CENPF: variants seen among roughly 807,000 people sequenced by gnomAD.
CENPF encodes centromere protein F, also known as AH antigen.
A neutral mutation model predicts 307.3 loss-of-function variants in CENPF; 214 were observed. The ratio of observed to expected loss-of-function variants is 0.70; its 90% CI spans 0.62 to 0.78. The LOEUF is 0.78. Ranked by LOEUF, CENPF falls within the 30% of genes least tolerant of loss-of-function variation. CENPF has a pLI of 0.00. For synonymous variants in CENPF, 1,259 were observed against 1,270.6 expected (o/e 0.99, Z 0.19); for missense variants, 3,401 against 3,483.9 (o/e 0.98, Z 0.60).
At position 214,657,236 on chromosome 1, in the gene CENPF, G is replaced by T. The variant is rs768003566; in HGVS notation, c.8789G>T (p.Gly2930Val). 1 of 1,613,924 alleles carries T rather than the reference G, an allele frequency of 6.2e-7. No individual in the cohort carries two copies. Among genetic ancestry groups the T allele is most frequent in the Non-Finnish European group, 8.5e-7 (1 of 1,180,014 alleles). Residue 2930 changes from glycine to valine, a missense_variant, in exon 18 of 20, where the codon GGC becomes GTC. Transcript: ENST00000366955. ...RLSSGQNKAS[G>V]KRQRSSGIWE... ...TCATCTGGCCAAAATAAAGCTTCAG[G>T]CAAGAGGCAAAGATCCAGTGGAATA... is the stretch of plus-strand genomic sequence containing the variant.
In CENPF at chr1:214,657,456, C is replaced by G. The variant is rs779760787; in HGVS notation, c.8962+47C>G. The G allele has an allele frequency of 3.6e-6, 5 of 1,376,260 alleles. No homozygotes were observed. The Admixed American group carries it at 5.7e-5, about 16-fold the overall frequency. 85.3% of individuals were successfully genotyped at this position (1,376,260 alleles called of 1,614,324 possible). A position where few individuals can be genotyped will look rare whatever the true frequency, so the allele number is the denominator to read the frequency against. ...AATTATTTGTGTTCTTTTGAAATTC[C>G]ATATAATGGTTCACATATAAAAAGA... is the stretch of plus-strand genomic sequence containing the variant. On this transcript the variant is annotated intron_variant, in intron 18 of 19. Transcript: ENST00000366955.
At chr1:214,624,917 T>A (rs1558175212) in intron 7 of CENPF, among the ~76,000 whole-genome samples, 1 of 152,200 alleles carries the variant, frequency 6.6e-6, no homozygotes, top group African/African-American at 2.4e-5. Flanking sequence ...TGTCTGTTTC[T>A]CCTTTGATTT....
intron 7 of CENPF, 25 bp from the exon 8 acceptor site, chr1:214,629,021 C>A: frequency 6.6e-7 from 1 of 1,506,122 alleles, no homozygotes; most frequent in Non-Finnish European, 8.9e-7. Context: ...TTTATTTTGT[C>A]TTGAACATTT....
Position 214,643,072 on chromosome 1 carries a change from TAAG to T in CENPF, c.4735_4737del (p.Lys1579del). 6.2e-7 allele frequency: 1 copy of T among 1,609,052 alleles called. No homozygotes were observed. Among genetic ancestry groups the T allele is most frequent in the Non-Finnish European group, 8.5e-7 (1 of 1,178,680 alleles). On this transcript the variant is annotated inframe_deletion, in exon 12 of 20. Coordinates refer to ENST00000366955, the MANE Select transcript of CENPF (RefSeq NM_016343.4). ...TGGAAAGTCAAGGGATTATGAAAAATAAGGAAATTCAAGAGCTCGAGCAGTTAT... is the reference window on the plus strand; with the variant it reads ...TGGAAAGTCAAGGGATTATGAAAAATGAAATTCAAGAGCTCGAGCAGTTAT...
chr1:214,608,954 G>A (rs1202625669), intron 1 of CENPF: 2 of 999,280 alleles, frequency 2.0e-6, no homozygotes, highest in African/African-American at 3.5e-5. Flanking sequence ...GGGGGAGGGC[G>A]CCCCCCCAGC....
At position 214,655,007 on chromosome 1, in the gene CENPF, T is replaced by C. The variant is rs374934; in HGVS notation, c.8323-234T>C. On this transcript the variant is annotated intron_variant, in intron 16 of 19. Transcript: ENST00000366955. The stretch of plus-strand genomic sequence containing the variant: ...GGCACTTAATAGACATCTCAGGAAC[T>C]GTAGTTTATACTTGTGATACTAAGA... 0.61 allele frequency: 169,430 copies of C among 278,316 alleles called. 53,579 individuals carry two copies. Among genetic ancestry groups the C allele is most frequent in the East Asian group, 0.88 (13,282 of 15,172 alleles). The allele number at this position is 278,316 out of a possible 1,614,324, so 17.2% of individuals were successfully genotyped here.
At chr1:214,608,860 A>C in intron 1 of CENPF, 1 of 1,516,170 alleles carries the variant, frequency 6.6e-7, no homozygotes, top group Non-Finnish European at 8.8e-7. Context: ...CGCCCGGGCC[A>C]GGCCCCCACC....
At position 214,644,720 on chromosome 1, in the gene CENPF, C is replaced by A. The variant is rs774422780; in HGVS notation, c.5150C>A (p.Pro1717His). Reference sequence around the variant, plus strand: ...ATAACTGAGACTGGTGCAGTGAAACCCACAGGAGAGTGCTCTGGGGAACAG... The same window carrying A: ...ATAACTGAGACTGGTGCAGTGAAACACACAGGAGAGTGCTCTGGGGAACAG... ...EKITETGAVK[P>H]TGECSGEQSP... The change falls in exon 13 of 20, where the codon CCC (proline) becomes CAC (histidine). Residue 1717 changes from proline (P) to histidine (H), a missense_variant. Transcript: ENST00000366955. The A allele has an allele frequency of 2.7e-5, 43 of 1,613,762 alleles. No individual in the cohort carries two copies. The highest frequency in any genetic ancestry group is 3.3e-5 in the Non-Finnish European group (39 of 1,179,946).
At chr1:214,625,737 A>G (rs945905075) in intron 7 of CENPF, among the ~76,000 whole-genome samples, 4 of 151,788 alleles carry the variant, frequency 2.6e-5, no homozygotes, top group African/African-American at 9.7e-5. Flanking sequence ...ATCTCTTTGT[A>G]GAGCTTCTAG....
chr1:214,630,520 C>T lies in CENPF; in HGVS notation c.1195-14C>T. On this transcript the variant is annotated splice_polypyrimidine_tract_variant and intron_variant, in intron 8 of 19. Transcript: ENST00000366955. ...ACCATCATCAGGCTGATGCACCTGCCCTTTGTTTTTCAGGAGCTCTCCCGT... is the reference window on the plus strand; with the variant it reads ...ACCATCATCAGGCTGATGCACCTGCTCTTTGTTTTTCAGGAGCTCTCCCGT... 6.2e-7 allele frequency: 1 copy of T among 1,613,844 alleles called. No homozygotes were observed. The highest frequency in any genetic ancestry group is 1.1e-5 in the South Asian group (1 of 91,030).
chr1:214,645,777 C>G lies in CENPF; in HGVS notation c.6207C>G (p.Val2069=), dbSNP rs1292425991. 6.2e-7 allele frequency: 1 copy of G among 1,614,106 alleles called. No homozygotes were observed. Residue 2069 remains valine, a synonymous_variant, in exon 13 of 20, where the codon GTC becomes GTG. Transcript: ENST00000366955. ...AQLNKEKELL[V]KESESLQARL... ...TGAATAAAGAGAAAGAATTGCTTGT[C>G]AAGGAATCTGAAAGCCTGCAGGCCA... is the stretch of plus-strand genomic sequence containing the variant.
intron 15 of CENPF, among the ~76,000 whole-genome samples, chr1:214,652,399 G>A (rs1291615949): frequency 6.6e-6 from 1 of 151,182 alleles, no homozygotes; most frequent in Admixed American, 6.6e-5. Context: ...CTGCAAAGTC[G>A]AAATAGTCCT....
chr1:214,619,107 G>T, intron 4 of CENPF, 22 bp from the exon 5 acceptor site: 2 of 1,175,604 alleles, frequency 1.7e-6, no homozygotes, highest in Non-Finnish European at 2.5e-6. Context: ...AAAGAAAACT[G>T]TATTTGATTG....
intron 18 of CENPF, among the ~76,000 whole-genome samples, chr1:214,658,333 A>G (rs1044700783): frequency 1.3e-5 from 2 of 152,204 alleles, no homozygotes; most frequent in Non-Finnish European, 2.9e-5. Flanking sequence ...GAAAGAGACA[A>G]CGTGAGTGAG....
Position 214,655,315 on chromosome 1 carries a change from C to T in CENPF, c.8397C>T (p.Ile2799=). 6.2e-7 allele frequency: 1 copy of T among 1,608,112 alleles called. No individual in the cohort carries two copies. The highest frequency in any genetic ancestry group is 8.5e-7 in the Non-Finnish European group (1 of 1,176,954). ...ERAQGKMKLL[I]KSCKQLEEEK... is the part of the protein sequence containing the mutation. ...CCCAGGGGAAAATGAAGTTGTTGAT[C>T]AAATCCTGTAAACAGCTGGAAGAGG... The change falls in exon 17 of 20, where the codon ATC becomes ATT. Residue 2799 remains isoleucine (I), a synonymous_variant. Coordinates refer to ENST00000366955, the MANE Select transcript of CENPF (RefSeq NM_016343.4).
chr1:214,647,119 C>T lies in CENPF; in HGVS notation c.7549C>T (p.Leu2517=). ...IQEVEDGKQK[L]EKKDEEISRL... ...AGAAGTAGAAGATGGCAAGCAGAAA[C>T]TGGAGAAGAAGGATGAAGAAATCAG... The change falls in exon 13 of 20, where the codon CTG becomes TTG. Residue 2517 remains leucine (L), a synonymous_variant. Transcript: ENST00000366955. 6.2e-7 allele frequency: 1 copy of T among 1,613,968 alleles called. No homozygotes were observed.
Position 214,642,895 on chromosome 1 carries a change from C to T in CENPF, c.4557C>T (p.Asn1519=). 3.1e-6 allele frequency: 5 copies of T among 1,613,928 alleles called. No individual in the cohort carries two copies. Among genetic ancestry groups the T allele is most frequent in the Non-Finnish European group, 4.2e-6 (5 of 1,180,002 alleles). ...ATTTAGAAGGGGCTGTTTCAGCAAA[C>T]CAGTGCAGTGTAGATGAAGTATTTT... ...LSNLEGAVSA[N]QCSVDEVFCS... Residue 1519 remains asparagine, a synonymous_variant, in exon 12 of 20, where the codon AAC becomes AAT. Coordinates refer to ENST00000366955, the MANE Select transcript of CENPF (RefSeq NM_016343.4).
chr1:214,652,529 T>C lies in CENPF; in HGVS notation c.8161-299T>C, dbSNP rs335525. ...CACAATCTTGGCTCACTGCAGCCTC[T>C]GCCTCCTGGGTTCAAGCAATTCTCC... On this transcript the variant is annotated intron_variant, in intron 15 of 19. Transcript: ENST00000366955. Among the ~76,000 whole-genome samples, 142,376 of 149,362 alleles carry C rather than the reference T, an allele frequency of 0.95. 68,228 individuals are homozygous for C. The highest frequency in any genetic ancestry group is 1 in the East Asian group (4,988 of 4,988).
chr1:214,661,511 C>T (rs929636758), intron 19 of CENPF, among the ~76,000 whole-genome samples: 10 of 152,164 alleles, frequency 6.6e-5, no homozygotes. Context: ...TTTCCTAGGT[C>T]ATTTAGCAAG....
Sources: gnomAD v4.1 joint callset for allele counts (sites outside exome capture counted in the v4.1 genomes callset) on GRCh38, gnomAD v4.1.1 for gene constraint, MANE v1.5 for transcripts, NCBI Gene and HGNC (gene_info 2026-07-23, HGNC 2026-07-21) for gene names.